The following RAP1GAP variants were observed in gnomAD, a reference collection of about 807,000 sequenced individuals.
RAP1GAP encodes the protein RAP1 GTPase activating protein, also known as rap1 GTPase-activating protein 1.
Under a neutral mutation model 87.2 loss-of-function variants are expected in RAP1GAP, and 35 were observed. The ratio of observed to expected loss-of-function variants is 0.40; its 90% CI spans 0.31 to 0.53. The LOEUF (loss-of-function observed/expected upper bound fraction) is 0.53, where lower values mean the gene tolerates loss of function less well. Among genes scored for constraint, RAP1GAP ranks in the 20% least tolerant of loss-of-function variants. The pLI is 0.48. For missense variants in RAP1GAP, 734 were observed against 898.9 expected, an observed-to-expected ratio of 0.82 and a Z score of 2.35; for synonymous variants, 375 against 363.9, an observed-to-expected ratio of 1.03 and a Z score of -0.35.
intron 13 of RAP1GAP, 85 bp downstream of exon 13, chr1:21,611,367 G>A: frequency 6.7e-7 from 1 of 1,503,554 alleles, no homozygotes; most frequent in South Asian, 1.2e-5. Flanking sequence ...GCCCAGCGCT[G>A]AGCCTGGCGT....
chr1:21,612,062 G>C lies in RAP1GAP; in HGVS notation c.576C>G (p.Asn192Lys). Residue 192 changes from asparagine (N) to lysine (K), a missense_variant, in exon 11 of 25, where the codon AAC (asparagine) becomes AAG (lysine). By Grantham distance (94) the Asn-to-Lys change is moderately conservative (BLOSUM62 0). Around this residue, in one of 2 missense-constraint regions of RAP1GAP, gnomAD observed 485 missense variants for 646.2 expected, o/e 0.75. Coordinates refer to ENST00000374765, the MANE Select transcript of RAP1GAP (RefSeq NM_002885.4). Reference protein sequence around the residue: ...VTFDEHVISNNFKFGVIYQKL... With the variant: ...VTFDEHVISNKFKFGVIYQKL... ...TCTGATAAATGACGCCAAACTTGAA[G>C]TTATTGCTGATGACATGCTCGTCAA... The C allele has an allele frequency of 6.4e-7, 1 of 1,554,794 alleles. No homozygotes were observed. The highest frequency in any genetic ancestry group is 8.7e-7 in the Non-Finnish European group (1 of 1,148,500).
chr1:21,634,291 G>C lies in RAP1GAP; in HGVS notation c.-112-7894C>G, dbSNP rs1419526574. Among the ~76,000 whole-genome samples, 2 of 152,118 alleles carry C rather than the reference G, an allele frequency of 1.3e-5. No individual in the cohort carries two copies. Among genetic ancestry groups the C allele is most frequent in the Non-Finnish European group, 2.9e-5 (2 of 68,012 alleles). On this transcript the variant is annotated intron_variant, in intron 2 of 24. Transcript: ENST00000374765. This position sits in a 1 kb window ranked among gnomAD's most constrained non-coding sequence, Gnocchi z 4.1. ...GGAGGCTCCTGTGTCCCCTTTCCCT[G>C]GGCACCGTTGACCTCTCCTAGGACT...
Position 21,613,020 on chromosome 1 carries a change from C to T in RAP1GAP, c.528+156G>A. 3.7e-6 allele frequency: 3 copies of T among 816,998 alleles called. No homozygotes were observed. The highest frequency in any genetic ancestry group is 6.1e-6 in the Non-Finnish European group (3 of 492,616). 50.6% of individuals were successfully genotyped at this position (816,998 alleles called of 1,614,324 possible). ...GGGAAGGCACAGGCCCTTTCGGTGGCTCCTCTTCTGCAAATTGTGGACTTC... is the reference window on the plus strand; with the variant it reads ...GGGAAGGCACAGGCCCTTTCGGTGGTTCCTCTTCTGCAAATTGTGGACTTC... On this transcript the variant is annotated intron_variant, in intron 10 of 24. Transcript: ENST00000374765. This position sits in a 1 kb window ranked among gnomAD's most constrained non-coding sequence, Gnocchi z 4.7.
At chr1:21,667,150 C>T (rs144377543) in intron 1 of RAP1GAP, among the ~76,000 whole-genome samples, 2 of 152,190 alleles carry the variant, frequency 1.3e-5, no homozygotes, top group Non-Finnish European at 1.5e-5. Context: ...CAAAGGCCTC[C>T]GTAGACAGAT....
chr1:21,608,996 G>A, intron 15 of RAP1GAP, 60 bp from the exon 16 acceptor site: 2 of 1,436,814 alleles, frequency 1.4e-6, no homozygotes, highest in Non-Finnish European at 2.0e-6. Flanking sequence ...CATAAACAAG[G>A]GTCGGAACCC....
At chr1:21,601,022 CTT>C (rs139287802) in intron 20 of RAP1GAP, among the ~76,000 whole-genome samples, 2 of 141,856 alleles carry the variant, frequency 1.4e-5, no homozygotes, top group Non-Finnish European at 3.0e-5. Flanking sequence ...CTCAGATACT[CTT>C]TTTTTTTTTT....
At chr1:21,630,157 A>G (rs997423258) in intron 2 of RAP1GAP, among the ~76,000 whole-genome samples, 8 of 152,216 alleles carry the variant, frequency 5.3e-5, no homozygotes, top group East Asian at 1.9e-4. Context: ...ACAGTAAATG[A>G]AAGTCTGAAG....
chr1:21,624,821 G>A (rs1445983378), intron 3 of RAP1GAP, among the ~76,000 whole-genome samples: 1 of 141,648 alleles, frequency 7.1e-6, no homozygotes, highest in Non-Finnish European at 1.5e-5. Flanking sequence ...TGTCTAGCAC[G>A]CAGGGCCCAG....
At chr1:21,651,834 C>A in intron 1 of RAP1GAP, 1 of 1,196,832 alleles carries the variant, frequency 8.4e-7, no homozygotes. Flanking sequence ...GTGCCGCCGC[C>A]GCCGCCCGGC....
chr1:21,617,233 C>A, intron 7 of RAP1GAP, 73 bp downstream of exon 7: 4 of 1,503,116 alleles, frequency 2.7e-6, no homozygotes, highest in Non-Finnish European at 3.6e-6. Context: ...TCTGCTCCCT[C>A]CCAGGCCCAC....
chr1:21,609,560 G>T lies in RAP1GAP; in HGVS notation c.1071+15C>A. The T allele has an allele frequency of 6.8e-7, 1 of 1,477,932 alleles. No homozygotes were observed. The highest frequency in any genetic ancestry group is 9.2e-7 in the Non-Finnish European group (1 of 1,091,184). 91.6% of individuals were successfully genotyped at this position (1,477,932 alleles called of 1,614,324 possible). On this transcript the variant is annotated intron_variant, in intron 15 of 24. Coordinates refer to ENST00000374765, the MANE Select transcript of RAP1GAP (RefSeq NM_002885.4). The surrounding 1 kb of genome is among the most constrained non-coding windows in gnomAD (Gnocchi z 4.4). ...TTTGTCCTGCTCTGCCCATGACTGG[G>T]GGGGTGCCCCTCACCTTCCTGAACA...
At chr1:21,611,645 G>A (rs2078397998) in intron 12 of RAP1GAP, 64 bp from the exon 13 acceptor site, 1 of 1,613,576 alleles carries the variant, frequency 6.2e-7, no homozygotes, top group Non-Finnish European at 8.5e-7. Flanking sequence ...CATGGGGCCA[G>A]GACAGGGGCT....
chr1:21,631,248 A>C (rs2093664740), intron 2 of RAP1GAP, among the ~76,000 whole-genome samples: 1 of 152,172 alleles, frequency 6.6e-6, no homozygotes, highest in Non-Finnish European at 1.5e-5. Flanking sequence ...GGGCGGCAGC[A>C]GCTGCGGGGA....
intron 19 of RAP1GAP, among the ~76,000 whole-genome samples, chr1:21,602,339 G>A (rs2069359726): frequency 6.6e-6 from 1 of 152,216 alleles, no homozygotes; most frequent in Non-Finnish European, 1.5e-5. Flanking sequence ...TAATATCGGG[G>A]AGGCAGCCGG....
At chr1:21,606,332 G>C in intron 17 of RAP1GAP, 135 bp from the exon 18 acceptor site, 1 of 1,314,026 alleles carries the variant, frequency 7.6e-7, no homozygotes, top group South Asian at 1.4e-5. Context: ...CTTCCCCTGG[G>C]CATGTGGCCA....
intron 2 of RAP1GAP, among the ~76,000 whole-genome samples, chr1:21,635,913 G>A (rs1476811987): frequency 6.6e-6 from 1 of 152,234 alleles, no homozygotes; most frequent in Non-Finnish European, 1.5e-5. Context: ...GGACGAATGG[G>A]AGGATGAGAA....
chr1:21,637,830 T>C (rs564449364), intron 2 of RAP1GAP, among the ~76,000 whole-genome samples: 26 of 152,112 alleles, frequency 1.7e-4, no homozygotes, highest in African/African-American at 6.0e-4. Context: ...AATTTAAAAT[T>C]ACATGTCAAA....
chr1:21,619,950 G>A, intron 4 of RAP1GAP, 65 bp downstream of exon 4: 1 of 1,561,320 alleles, frequency 6.4e-7, no homozygotes, highest in Non-Finnish European at 8.8e-7. Context: ...ATGCAGCAAG[G>A]GCCCCCCAGC....
intron 2 of RAP1GAP, among the ~76,000 whole-genome samples, chr1:21,646,007 G>C (rs2096018418): frequency 6.6e-6 from 1 of 152,246 alleles, no homozygotes; most frequent in Non-Finnish European, 1.5e-5. Context: ...ACCCCTCACT[G>C]ACTGCATGCC....
Sources: gnomAD v4.1 joint callset for allele counts (sites outside exome capture counted in the v4.1 genomes callset) on GRCh38, gnomAD v4.1.1 for gene constraint, gnomAD v4.1.1 regional missense constraint, Gnocchi (gnomAD v3.1) non-coding constraint, MANE v1.5 for transcripts, NCBI Gene and HGNC (gene_info 2026-07-23, HGNC 2026-07-21) for gene names.